The following DNM3 variants were observed in gnomAD, a reference collection of about 807,000 sequenced individuals.
DNM3 encodes dynamin-3.
A neutral mutation model predicts 101.6 loss-of-function variants in DNM3; 47 were observed. The observed-to-expected ratio is 0.46, with a 90% CI of 0.37 to 0.59. The LOEUF is 0.59. DNM3 is among the 20% of genes least tolerant of loss of function. The pLI, the probability that DNM3 is intolerant of heterozygous loss-of-function variation, is 0.00. For synonymous variants in DNM3, 385 were observed against 387.9 expected (o/e 0.99, Z 0.09); for missense variants, 849 against 1,085.7 (o/e 0.78, Z 3.06).
intron 2 of DNM3, among the ~76,000 whole-genome samples, chr1:171,924,834 T>G (rs942680482): frequency 1.4e-4 from 22 of 152,222 alleles, no homozygotes; most frequent in Non-Finnish European, 4.4e-5. Flanking sequence ...CATTGTTTTC[T>G]TATGTTTGTT....
chr1:172,319,566 G>A (rs1316404906), intron 16 of DNM3, among the ~76,000 whole-genome samples: 1 of 152,162 alleles, frequency 6.6e-6, no homozygotes, highest in Non-Finnish European at 1.5e-5. Flanking sequence ...CAAAAAGTGG[G>A]CAAAGGATAT....
chr1:171,990,749 G>T (rs2045578583), intron 4 of DNM3, among the ~76,000 whole-genome samples: 1 of 152,002 alleles, frequency 6.6e-6, no homozygotes, highest in South Asian at 2.1e-4. Context: ...CCAATTCTTA[G>T]GCCTTTCCAG....
Position 172,410,780 on chromosome 1 carries a change from C to T in DNM3, c.*2939C>T, listed in dbSNP as rs1481764691. ...AATGAAACCAGTTCCTGTGATGTAA[C>T]TGTAAGCCTTCTCGACTTAGACTTA... On this transcript the variant is annotated 3_prime_UTR_variant, in exon 21 of 21. Coordinates refer to ENST00000627582, the MANE Select transcript of DNM3 (RefSeq NM_015569.5). 1.1e-5 allele frequency: 11 copies of T among 985,130 alleles called. No homozygotes were observed. The highest frequency in any genetic ancestry group is 3.5e-5 in the African/African-American group (2 of 57,210). The allele number at this position is 985,130 out of a possible 1,614,324, so 61.0% of individuals were successfully genotyped here. A position where few individuals can be genotyped will look rare whatever the true frequency, so the allele number is the denominator to read the frequency against.
At chr1:172,384,394 G>A (rs2069080933) in intron 18 of DNM3, among the ~76,000 whole-genome samples, 1 of 152,146 alleles carries the variant, frequency 6.6e-6, no homozygotes, top group Admixed American at 6.6e-5. Flanking sequence ...ACTGTGTGCT[G>A]GGCATCATGC....
rs562370097 is a variant in DNM3 at position 172,155,778 on chromosome 1, G to T, written c.1659+24490G>T. ...GGAGTTTGCTTGGGATGACTAAGGGGCAAAAACAATTGTTAAGAAGAAAGA... is the reference window on the plus strand; with the variant it reads ...GGAGTTTGCTTGGGATGACTAAGGGTCAAAAACAATTGTTAAGAAGAAAGA... On this transcript the variant is annotated intron_variant, in intron 14 of 20. Transcript: ENST00000627582. Among the ~76,000 whole-genome samples, 5 of 152,110 alleles carry T rather than the reference G, an allele frequency of 3.3e-5. No homozygotes were observed. The South Asian group carries it at 1.0e-3, about 32-fold the overall frequency.
intron 2 of DNM3, among the ~76,000 whole-genome samples, chr1:171,954,006 A>C (rs12024869): frequency 6.6e-6 from 1 of 151,992 alleles, no homozygotes; most frequent in Non-Finnish European, 1.5e-5. Context: ...TACTGCATGC[A>C]ATCCCTGTGG....
chr1:172,355,296 G>A (rs2067394112), intron 17 of DNM3, among the ~76,000 whole-genome samples: 1 of 151,730 alleles, frequency 6.6e-6, no homozygotes, highest in Non-Finnish European at 1.5e-5. Flanking sequence ...ACAAACAGTA[G>A]GAAAGATTTT....
At chr1:172,327,270 A>G (rs2065975110) in intron 17 of DNM3, among the ~76,000 whole-genome samples, 1 of 152,180 alleles carries the variant, frequency 6.6e-6, no homozygotes, top group Admixed American at 6.6e-5. Flanking sequence ...AGTGGTTATC[A>G]CTGGGAGTGA....
chr1:172,142,823 A>G (rs1454735226), intron 14 of DNM3, among the ~76,000 whole-genome samples: 1 of 151,264 alleles, frequency 6.6e-6, no homozygotes, highest in East Asian at 1.9e-4. Context: ...AATTGTATCA[A>G]TTAGAAAAAA....
intron 1 of DNM3, among the ~76,000 whole-genome samples, chr1:171,851,836 A>G (rs2033012699): frequency 6.6e-6 from 1 of 152,248 alleles, no homozygotes; most frequent in African/African-American, 2.4e-5. Context: ...TATAAGTACC[A>G]CTTTGTGAAA....
intron 2 of DNM3, among the ~76,000 whole-genome samples, chr1:171,977,534 T>C (rs2044471399): frequency 6.6e-6 from 1 of 152,182 alleles, no homozygotes; most frequent in African/African-American, 2.4e-5. Context: ...ATTGAAATAA[T>C]AAAAAGTGTT....
At chr1:172,057,659 C>A (rs1388516645) in intron 10 of DNM3, among the ~76,000 whole-genome samples, 1 of 151,454 alleles carries the variant, frequency 6.6e-6, no homozygotes, top group Non-Finnish European at 1.5e-5. Context: ...GATTTTGTCA[C>A]CACCAGGCCT....
At position 171,882,113 on chromosome 1, in the gene DNM3, G is replaced by A. The variant is rs1201627112; in HGVS notation, c.162-39635G>A. 3.9e-5 allele frequency among the ~76,000 whole-genome samples: 6 copies of A among 152,060 alleles called. No homozygotes were observed. In the South Asian group the frequency reaches 8.3e-4, roughly 21 times the overall value. ...TGTAATCCCAGCACTTTAGGAGGCC[G>A]AGGTGGGCGGATCACCTGAGGTCAG... On this transcript the variant is annotated intron_variant, in intron 1 of 20. Transcript: ENST00000627582.
In DNM3 at chr1:171,963,886, C is replaced by G. The variant is rs139584702; in HGVS notation, c.236-23770C>G. Among the ~76,000 whole-genome samples, 32 of 152,012 alleles carry G rather than the reference C, an allele frequency of 2.1e-4. No individual in the cohort carries two copies. In the East Asian group the frequency reaches 5.8e-3, roughly 28 times the overall value. ...CCCCCATCCACCTGAATGGATGACT[C>G]TCTTGTCAAAGGCATTCAAAAAACC... On this transcript the variant is annotated intron_variant, in intron 2 of 20. Coordinates refer to ENST00000627582, the MANE Select transcript of DNM3 (RefSeq NM_015569.5).
chr1:172,373,623 ACT>A (rs2068460816), intron 17 of DNM3, among the ~76,000 whole-genome samples: 1 of 152,072 alleles, frequency 6.6e-6, no homozygotes, highest in African/African-American at 2.4e-5. Flanking sequence ...TGTTTTTGCC[ACT>A]TTATAAAATG....
intron 14 of DNM3, among the ~76,000 whole-genome samples, chr1:172,207,910 A>T (rs1227588736): frequency 2.0e-5 from 3 of 152,090 alleles, no homozygotes; most frequent in Non-Finnish European, 2.9e-5. Context: ...CTTTTTAGAG[A>T]ATACAAAGAA....
chr1:172,146,960 A>C (rs2057931710), intron 14 of DNM3, among the ~76,000 whole-genome samples: 1 of 152,156 alleles, frequency 6.6e-6, no homozygotes, highest in Admixed American at 6.6e-5. Flanking sequence ...AAGTGACTTA[A>C]CTTTATACTA....
At chr1:171,961,715 A>C (rs2043222164) in intron 2 of DNM3, among the ~76,000 whole-genome samples, 1 of 152,202 alleles carries the variant, frequency 6.6e-6, no homozygotes, top group South Asian at 2.1e-4. Flanking sequence ...CCATCCACAG[A>C]TGAATGGATA....
At chr1:172,358,912 A>C (rs2067590021) in intron 17 of DNM3, among the ~76,000 whole-genome samples, 2 of 151,132 alleles carry the variant, frequency 1.3e-5, no homozygotes, top group African/African-American at 4.9e-5. Flanking sequence ...AAAAAAAGCC[A>C]CAGACAGAGT....
Sources: allele counts gnomAD v4.1 joint callset (sites outside exome capture counted in the v4.1 genomes callset), GRCh38; gene constraint gnomAD v4.1.1; transcripts MANE v1.5; gene names NCBI Gene and HGNC (gene_info 2026-07-23, HGNC 2026-07-21).